Variants in CTNNA3 observed in about 807,000 individuals in gnomAD.
CTNNA3 encodes catenin alpha-3.
A neutral mutation model predicts 95.7 loss-of-function variants in CTNNA3; 76 were observed. The observed-to-expected ratio is 0.79, with a 90% CI of 0.66 to 0.96. The LOEUF is 0.96. Among genes scored for constraint, CTNNA3 ranks in the 40% least tolerant of loss-of-function variants. The probability of loss-of-function intolerance (pLI) is 0.00; values close to 1 mark genes in which losing one functional copy is unlikely to be tolerated. For missense variants in CTNNA3, 1,191 were observed against 1,089.8 expected (o/e 1.09, Z -1.31); for synonymous variants, 431 against 374.4 (o/e 1.15, Z -1.74).
chr10:66,970,737 CAGGCA>C (rs1425982063), intron 7 of CTNNA3, among the ~76,000 whole-genome samples: 1 of 152,086 alleles, frequency 6.6e-6, no homozygotes, highest in Non-Finnish European at 1.5e-5. Flanking sequence ...TCCTTATCTC[CAGGCA>C]GAACTATTTC....
At chr10:66,056,131 C>A (rs1208585978) in intron 15 of CTNNA3, among the ~76,000 whole-genome samples, 1 of 151,902 alleles carries the variant, frequency 6.6e-6, no homozygotes, top group Non-Finnish European at 1.5e-5. Context: ...TCAGGTTTTC[C>A]CCATTCAGTG....
intron 12 of CTNNA3, among the ~76,000 whole-genome samples, chr10:66,299,626 A>G (rs1400890568): frequency 6.6e-6 from 1 of 152,186 alleles, no homozygotes; most frequent in Non-Finnish European, 1.5e-5. Context: ...CATTGGATGA[A>G]GTAAATCTAT....
chr10:65,963,381 C>T (rs1009212723), intron 17 of CTNNA3, among the ~76,000 whole-genome samples: 1 of 151,998 alleles, frequency 6.6e-6, no homozygotes, highest in African/African-American at 2.4e-5. Flanking sequence ...TTCAGTTGTC[C>T]CCTCTATCTC....
chr10:65,991,549 T>C (rs2848695), intron 15 of CTNNA3, among the ~76,000 whole-genome samples: 1 of 152,068 alleles, frequency 6.6e-6, no homozygotes, highest in South Asian at 2.1e-4. Context: ...TGATTTCTTT[T>C]GCACATTTTT....
chr10:65,977,988 CT>C (rs1371620147), intron 16 of CTNNA3, among the ~76,000 whole-genome samples: 1 of 152,044 alleles, frequency 6.6e-6, no homozygotes, highest in Non-Finnish European at 1.5e-5. Flanking sequence ...GGGCTCATTT[CT>C]TCACCTGTAA....
At chr10:66,436,997 A>G (rs1210833791) in intron 11 of CTNNA3, among the ~76,000 whole-genome samples, 1 of 152,118 alleles carries the variant, frequency 6.6e-6, no homozygotes, top group East Asian at 1.9e-4. Flanking sequence ...CTTTTCTTTA[A>G]GAATGTTGAA....
chr10:67,221,175 C>G (rs1194198190), intron 5 of CTNNA3, among the ~76,000 whole-genome samples: 1 of 152,074 alleles, frequency 6.6e-6, no homozygotes, highest in Non-Finnish European at 1.5e-5. Context: ...GCATCAGTAT[C>G]CATTTCTTTG....
chr10:66,772,685 T>C (rs1390691992), intron 8 of CTNNA3, among the ~76,000 whole-genome samples: 1 of 152,170 alleles, frequency 6.6e-6, no homozygotes, highest in Non-Finnish European at 1.5e-5. Flanking sequence ...GAACATTCCA[T>C]CTTGATGTCC....
intron 13 of CTNNA3, among the ~76,000 whole-genome samples, chr10:66,191,094 A>C (rs2131884774): frequency 6.6e-6 from 1 of 152,280 alleles, no homozygotes; most frequent in South Asian, 2.1e-4. Context: ...AGGACTTTAC[A>C]TTCAAAAGAG....
At chr10:66,802,334 T>C (rs1173630086) in intron 7 of CTNNA3, among the ~76,000 whole-genome samples, 2 of 151,850 alleles carry the variant, frequency 1.3e-5, no homozygotes, top group Non-Finnish European at 2.9e-5. Flanking sequence ...AACTTACTCT[T>C]TCAACACATT....
intron 10 of CTNNA3, among the ~76,000 whole-genome samples, chr10:66,524,045 A>T (rs1841161848): frequency 2.6e-5 from 4 of 151,924 alleles, no homozygotes; most frequent in Non-Finnish European, 4.4e-5. Flanking sequence ...CACACCACTC[A>T]TCTTTGTACC....
intron 5 of CTNNA3, among the ~76,000 whole-genome samples, chr10:67,250,071 TG>T (rs1752513049): frequency 6.6e-6 from 1 of 152,218 alleles, no homozygotes. Flanking sequence ...TCTCTATTGT[TG>T]CATTTTTATT....
chr10:66,072,071 T>C (rs1426559653), intron 14 of CTNNA3, among the ~76,000 whole-genome samples: 1 of 152,236 alleles, frequency 6.6e-6, no homozygotes, highest in Non-Finnish European at 1.5e-5. Flanking sequence ...CTCTGTTATA[T>C]TGCAAGAGCA....
intron 10 of CTNNA3, among the ~76,000 whole-genome samples, chr10:66,570,630 C>T (rs1842842957): frequency 6.6e-6 from 1 of 151,548 alleles, no homozygotes; most frequent in Admixed American, 6.6e-5. Context: ...CAGAACAAAC[C>T]AGCTAACTTG....
chr10:66,931,265 C>T (rs1847374056), intron 7 of CTNNA3, among the ~76,000 whole-genome samples: 1 of 140,754 alleles, frequency 7.1e-6, no homozygotes. Flanking sequence ...TTTACCAAAA[C>T]AGAGAAGAAA....
intron 10 of CTNNA3, among the ~76,000 whole-genome samples, chr10:66,553,806 C>G (rs1366090036): frequency 6.6e-6 from 1 of 151,894 alleles, no homozygotes; most frequent in African/African-American, 2.4e-5. Context: ...GGATTACAGG[C>G]GTGAGCCACT....
At chr10:67,271,363 C>A (rs533534946) in intron 5 of CTNNA3, among the ~76,000 whole-genome samples, 28 of 152,208 alleles carry the variant, frequency 1.8e-4, no homozygotes, top group African/African-American at 6.0e-4. Flanking sequence ...TTATAAGGGG[C>A]TCTTCCCCAC....
intron 5 of CTNNA3, among the ~76,000 whole-genome samples, chr10:67,363,020 C>T (rs933913370): frequency 6.6e-6 from 1 of 151,746 alleles, no homozygotes; most frequent in African/African-American, 2.4e-5. Flanking sequence ...ACAATATCCA[C>T]ACACAAAAAT....
At chr10:67,461,200 GA>G (rs981757967) in intron 5 of CTNNA3, among the ~76,000 whole-genome samples, 5 of 152,122 alleles carry the variant, frequency 3.3e-5, no homozygotes, top group Admixed American at 6.6e-5. Context: ...ACTATAGAGG[GA>G]AATATCCCAA....
Sources: gnomAD v4.1 joint callset for allele counts (sites outside exome capture counted in the v4.1 genomes callset) on GRCh38, gnomAD v4.1.1 for gene constraint, MANE v1.5 for transcripts, NCBI Gene and HGNC (gene_info 2026-07-23, HGNC 2026-07-21) for gene names.